MDGA2: variants seen among roughly 807,000 people sequenced by gnomAD.
MDGA2 encodes the protein MAM domain containing glycosylphosphatidylinositol anchor 2, also known as MAM domain-containing glycosylphosphatidylinositol anchor protein 2.
In MDGA2, 40 loss-of-function variants were observed where a neutral mutation model predicts 117.8. The ratio of observed to expected loss-of-function variants is 0.34; its 90% confidence interval spans 0.26 to 0.44. MDGA2 has a LOEUF of 0.44. Among genes scored for constraint, MDGA2 ranks in the 20% least tolerant of loss-of-function variants. The pLI, the probability that MDGA2 is intolerant of heterozygous loss-of-function variation, is 1.00. For synonymous variants in MDGA2, 452 were observed against 439.0 expected (o/e 1.03, Z -0.37); for missense variants, 1,123 against 1,250.6 (o/e 0.90, Z 1.54).
At chr14:47,186,479 TG>T (rs1182761217) in intron 3 of MDGA2, among the ~76,000 whole-genome samples, 2 of 151,858 alleles carry the variant, frequency 1.3e-5, no homozygotes, top group Non-Finnish European at 3.0e-5. Context: ...ATGCTTCACT[TG>T]TAAAATCTAA....
At chr14:47,551,462 C>A (rs12436068) in intron 1 of MDGA2, among the ~76,000 whole-genome samples, 45,324 of 151,976 alleles carry the variant, frequency 0.3, 7,074 homozygotes, top group South Asian at 0.53. Flanking sequence ...TACCTAAATA[C>A]AAACATATTG....
At chr14:46,917,404 G>A (rs1167829993) in intron 10 of MDGA2, among the ~76,000 whole-genome samples, 1 of 152,100 alleles carries the variant, frequency 6.6e-6, no homozygotes, top group African/African-American at 2.4e-5. Flanking sequence ...AACAAGTGGG[G>A]GACATAATCC....
chr14:47,464,879 C>T (rs941744071), intron 1 of MDGA2, among the ~76,000 whole-genome samples: 4 of 151,710 alleles, frequency 2.6e-5, no homozygotes, highest in Admixed American at 6.6e-5. Flanking sequence ...GCAAACAAAA[C>T]AAAACAAAAC....
chr14:47,065,896 T>C (rs1890062575), intron 6 of MDGA2, among the ~76,000 whole-genome samples: 2 of 152,194 alleles, frequency 1.3e-5, no homozygotes, highest in Non-Finnish European at 2.9e-5. Flanking sequence ...TGTAGGATTC[T>C]GGACAACCTA....
intron 2 of MDGA2, among the ~76,000 whole-genome samples, chr14:47,260,111 AG>A (rs1412767555): frequency 1.3e-5 from 2 of 152,050 alleles, no homozygotes; most frequent in Non-Finnish European, 2.9e-5. Flanking sequence ...GGTAATTTAG[AG>A]GAGGAGAAAA....
intron 6 of MDGA2, among the ~76,000 whole-genome samples, chr14:47,075,986 A>G (rs1321028290): frequency 1.3e-5 from 2 of 152,144 alleles, no homozygotes; most frequent in African/African-American, 4.8e-5. Flanking sequence ...TATCACCAAT[A>G]TAAAAATTAG....
At chr14:47,033,625 G>A (rs1028790167) in intron 8 of MDGA2, among the ~76,000 whole-genome samples, 1 of 152,088 alleles carries the variant, frequency 6.6e-6, no homozygotes, top group Non-Finnish European at 1.5e-5. Flanking sequence ...TGAGAAAAAG[G>A]CAATATTAAA....
intron 8 of MDGA2, among the ~76,000 whole-genome samples, chr14:46,995,488 C>T (rs940436984): frequency 1.3e-5 from 2 of 152,070 alleles, no homozygotes; most frequent in Non-Finnish European, 2.9e-5. Flanking sequence ...TAATGAATTA[C>T]AATTTCTAAA....
chr14:47,476,420 G>A (rs142754777), intron 1 of MDGA2, among the ~76,000 whole-genome samples: 45 of 151,760 alleles, frequency 3.0e-4, no homozygotes, highest in African/African-American at 8.9e-4. Flanking sequence ...CAAAATAAGT[G>A]CTTACTGATA....
At chr14:47,439,255 G>A (rs1892955046) in intron 1 of MDGA2, among the ~76,000 whole-genome samples, 1 of 152,058 alleles carries the variant, frequency 6.6e-6, no homozygotes, top group South Asian at 2.1e-4. Flanking sequence ...GTCAAATAAG[G>A]AAATGAACCA....
At chr14:47,557,150 A>G (rs1376711296) in intron 1 of MDGA2, among the ~76,000 whole-genome samples, 2 of 152,238 alleles carry the variant, frequency 1.3e-5, no homozygotes, top group African/African-American at 4.8e-5. Flanking sequence ...CACATTTCAC[A>G]AATTATTATT....
intron 1 of MDGA2, among the ~76,000 whole-genome samples, chr14:47,306,842 G>GGAGAGA (rs10629208): frequency 0.014 from 2,039 of 146,688 alleles, 21 homozygotes; most frequent in African/African-American, 0.03. Flanking sequence ...AGAGAAAGAG[G>GGAGAGA]GAGAGAGAGA....
Position 47,101,025 on chromosome 14 carries a change from C to G in MDGA2, c.926-3902G>C, listed in dbSNP as rs377408926. Among the ~76,000 whole-genome samples, 33 of 151,946 alleles carry G rather than the reference C, an allele frequency of 2.2e-4. 1 individual carries two copies. In the South Asian group the frequency reaches 6.4e-3, roughly 30 times the overall value. On this transcript the variant is annotated intron_variant, in intron 5 of 16. Coordinates refer to ENST00000399232, the MANE Select transcript of MDGA2 (RefSeq NM_001113498.3). Reference sequence around the variant, plus strand: ...TCATAAAGATCAGGATGCCAATGTTCTAGCATGCCTGAGGTGCTCTGTAGT... The same window carrying G: ...TCATAAAGATCAGGATGCCAATGTTGTAGCATGCCTGAGGTGCTCTGTAGT...
At chr14:47,307,869 T>C (rs545937987) in intron 1 of MDGA2, among the ~76,000 whole-genome samples, 52 of 152,100 alleles carry the variant, frequency 3.4e-4, no homozygotes, top group Non-Finnish European at 6.6e-4. Context: ...GGAGAGCATG[T>C]AGAGTGAGAA....
intron 1 of MDGA2, among the ~76,000 whole-genome samples, chr14:47,335,049 T>A (rs892603835): frequency 1.3e-5 from 2 of 151,904 alleles, no homozygotes; most frequent in African/African-American, 4.8e-5. Flanking sequence ...ACCAACAGCA[T>A]GCACTTTATG....
chr14:47,620,796 A>G (rs1897036269), intron 1 of MDGA2, among the ~76,000 whole-genome samples: 1 of 152,212 alleles, frequency 6.6e-6, no homozygotes. Context: ...TTTCCCCAGC[A>G]GTAAATGATT....
At chr14:47,176,492 C>T (rs1459506401) in intron 3 of MDGA2, among the ~76,000 whole-genome samples, 1 of 151,964 alleles carries the variant, frequency 6.6e-6, no homozygotes, top group Non-Finnish European at 1.5e-5. Flanking sequence ...TCAGAAATAA[C>T]ACTGCATATC....
At chr14:46,999,753 T>C (rs1466408371) in intron 8 of MDGA2, among the ~76,000 whole-genome samples, 2 of 152,120 alleles carry the variant, frequency 1.3e-5, no homozygotes, top group East Asian at 1.9e-4. Context: ...CTGGATTATC[T>C]TTGTGGGTAT....
At chr14:47,392,245 G>A (rs982091632) in intron 1 of MDGA2, among the ~76,000 whole-genome samples, 1 of 151,896 alleles carries the variant, frequency 6.6e-6, no homozygotes, top group Non-Finnish European at 1.5e-5. Flanking sequence ...AAGTCAAAGG[G>A]GCAAAGACAA....
Sources: gnomAD v4.1 joint callset for allele counts (sites outside exome capture counted in the v4.1 genomes callset) on GRCh38, gnomAD v4.1.1 for gene constraint, MANE v1.5 for transcripts, NCBI Gene and HGNC (gene_info 2026-07-23, HGNC 2026-07-21) for gene names.